The following ATP8A1 variants were observed in gnomAD, a reference collection of about 807,000 sequenced individuals.
ATP8A1 encodes phospholipid-transporting ATPase IA.
ATP8A1 carries 90 observed loss-of-function variants against 177.7 expected under a neutral mutation model. That is an observed-to-expected ratio of 0.51 (90% confidence interval 0.43 to 0.60). ATP8A1 has a LOEUF of 0.60. Ranked by LOEUF, ATP8A1 falls within the 20% of genes least tolerant of loss-of-function variation. The pLI, the probability that ATP8A1 is intolerant of heterozygous loss-of-function variation, is 0.00. For missense variants in ATP8A1, 1,072 were observed against 1,392.8 expected (o/e 0.77, Z 3.67); for synonymous variants, 493 against 485.9 (o/e 1.01, Z -0.19).
Position 42,507,128 on chromosome 4 carries a change from G to A in ATP8A1, c.1974C>T (p.Ala658=). 2 of 1,613,760 alleles carry A rather than the reference G, an allele frequency of 1.2e-6. No individual in the cohort carries two copies. Among genetic ancestry groups the A allele is most frequent in the Non-Finnish European group, 1.7e-6 (2 of 1,179,882 alleles). ...EKNLQLLGAT[A]IEDKLQDQVP... ...CTTGATCTTGTAATTTATCCTCAAT[G>A]GCTGTTGCTCCAAGTAGCTGAAGAT... Residue 658 remains alanine, a synonymous_variant, in exon 23 of 37, where the codon GCC becomes GCT. Transcript: ENST00000381668.
At position 42,524,898 on chromosome 4, in the gene ATP8A1, A is replaced by G. The variant is rs770887498; in HGVS notation, c.1723-51T>C. ...GATTTAATTAAGCATTCTGGGTTTA[A>G]TAAAGTTGATGTTGGTAACAATAGC... On this transcript the variant is annotated intron_variant, in intron 20 of 36. Transcript: ENST00000381668. The G allele has an allele frequency of 2.1e-5, 26 of 1,237,110 alleles. 2 individuals are homozygous for G. In the South Asian group the frequency reaches 3.3e-4, roughly 16 times the overall value. 76.6% of individuals were successfully genotyped at this position (1,237,110 alleles called of 1,614,324 possible). A position where few individuals can be genotyped will look rare whatever the true frequency, so the allele number is the denominator to read the frequency against.
At chr4:42,622,927 T>C (rs1737637497) in intron 4 of ATP8A1, among the ~76,000 whole-genome samples, 1 of 149,446 alleles carries the variant, frequency 6.7e-6, no homozygotes, top group Non-Finnish European at 1.5e-5. Context: ...GAGAATCGCT[T>C]GAACCTGGGA....
intron 9 of ATP8A1, 85 bp from the exon 10 acceptor site, chr4:42,581,817 A>G: frequency 1.1e-6 from 1 of 932,024 alleles, no homozygotes; most frequent in Non-Finnish European, 1.7e-6. Context: ...AAAAGTACCC[A>G]TTATTAAAAT....
intron 22 of ATP8A1, among the ~76,000 whole-genome samples, chr4:42,510,837 A>G (rs1466548045): frequency 6.6e-6 from 1 of 152,232 alleles, no homozygotes; most frequent in Admixed American, 6.5e-5. Context: ...GAAAGCATCT[A>G]GTTTTGCACA....
intron 29 of ATP8A1, among the ~76,000 whole-genome samples, chr4:42,453,846 C>G (rs963606236): frequency 1.3e-5 from 2 of 152,142 alleles, no homozygotes. Context: ...GCTCTCAGAT[C>G]ACTTTTTCAG....
chr4:42,623,988 T>C (rs1159114957), intron 4 of ATP8A1, among the ~76,000 whole-genome samples: 1 of 151,964 alleles, frequency 6.6e-6, no homozygotes, highest in Non-Finnish European at 1.5e-5. Context: ...AAGGCCTGAA[T>C]TTATTTGGTA....
At chr4:42,650,541 CTTAAA>C (rs1462264498) in intron 1 of ATP8A1, among the ~76,000 whole-genome samples, 1 of 152,142 alleles carries the variant, frequency 6.6e-6, no homozygotes, top group East Asian at 1.9e-4. Context: ...TTAAGGACAG[CTTAAA>C]TTACTTTTTA....
In ATP8A1 at chr4:42,412,558, T is replaced by A. The variant is rs950054292; in HGVS notation, c.*358A>T. 1 of 162,810 alleles carries A rather than the reference T, an allele frequency of 6.1e-6. No individual in the cohort carries two copies. Among genetic ancestry groups the A allele is most frequent in the South Asian group, 2.0e-4 (1 of 5,038 alleles). 10.1% of individuals were successfully genotyped at this position (162,810 alleles called of 1,614,324 possible). A position where few individuals can be genotyped will look rare whatever the true frequency, so the allele number is the denominator to read the frequency against. ...TCATTTAGAGTTTTTTAATGGTTGG[T>A]TACCTTGTGGTACAGCCAATAAACT... On this transcript the variant is annotated 3_prime_UTR_variant, in exon 37 of 37. Transcript: ENST00000381668.
In ATP8A1 at chr4:42,414,661, C is replaced by G; in HGVS notation, c.3363G>C (p.Leu1121Phe). Reference protein sequence around the residue: ...KNVFKKNHVNLYRSESLQQNL... With the variant: ...KNVFKKNHVNFYRSESLQQNL... ...TTTGTTGCAAGGATTCAGAGCGGTA[C>G]AAGTTCACGTGGTTCTTCTTAAAGA... Residue 1121 changes from leucine (L) to phenylalanine (F), a missense_variant, in exon 36 of 37, where the codon TTG (leucine) becomes TTC (phenylalanine). By Grantham distance (22) the Leu-to-Phe change is conservative. Coordinates refer to ENST00000381668, the MANE Select transcript of ATP8A1 (RefSeq NM_006095.2). The G allele has an allele frequency of 6.2e-7, 1 of 1,613,888 alleles. No individual in the cohort carries two copies. Among genetic ancestry groups the G allele is most frequent in the Non-Finnish European group, 8.5e-7 (1 of 1,179,822 alleles).
At chr4:42,529,502 G>C (rs1399948402) in intron 20 of ATP8A1, among the ~76,000 whole-genome samples, 1 of 152,200 alleles carries the variant, frequency 6.6e-6, no homozygotes, top group East Asian at 1.9e-4. Context: ...AATTGAAGTG[G>C]TATATACGTG....
At chr4:42,420,002 C>A (rs1349621261) in intron 35 of ATP8A1, among the ~76,000 whole-genome samples, 7 of 140,294 alleles carry the variant, frequency 5.0e-5, no homozygotes, top group Non-Finnish European at 7.7e-5. Context: ...GACTCCGTCT[C>A]AAAAAAAAAC....
At chr4:42,577,436 T>A (rs1732583539) in intron 12 of ATP8A1, among the ~76,000 whole-genome samples, 1 of 152,180 alleles carries the variant, frequency 6.6e-6, no homozygotes, top group Non-Finnish European at 1.5e-5. Context: ...AATGAGCAGT[T>A]ACAAAAGTAT....
intron 33 of ATP8A1, among the ~76,000 whole-genome samples, chr4:42,440,838 T>C (rs943596016): frequency 6.6e-6 from 1 of 152,178 alleles, no homozygotes; most frequent in African/African-American, 2.4e-5. Context: ...GGGCTGCTAT[T>C]CTCTGTCTGC....
chr4:42,417,717 T>C lies in ATP8A1; in HGVS notation c.3306-2999A>G, dbSNP rs553793886. Among the ~76,000 whole-genome samples, 33 of 152,352 alleles carry C rather than the reference T, an allele frequency of 2.2e-4. No individual in the cohort carries two copies. The South Asian group carries it at 2.9e-3, about 13-fold the overall frequency. ...AATTTGCATTTGTCTACATATTGAG[T>C]TGATAAGCTATTTAGGTTGACTCAT... On this transcript the variant is annotated intron_variant, in intron 35 of 36. Transcript: ENST00000381668.
rs1712602214 is a variant in ATP8A1, at chr4:42,411,520, T to C, written c.*1396A>G. The C allele has an allele frequency of 6.6e-6, 1 of 152,176 alleles. No individual in the cohort carries two copies. Among genetic ancestry groups the C allele is most frequent in the Admixed American group, 6.5e-5 (1 of 15,278 alleles). 9.4% of individuals were successfully genotyped at this position (152,176 alleles called of 1,614,324 possible). A position where few individuals can be genotyped will look rare whatever the true frequency, so the allele number is the denominator to read the frequency against. ...CTAATTCCTTTTTTTCAAATGAAAG[T>C]ATTATTTAAAAAATAGTGTAGAAAA... On this transcript the variant is annotated 3_prime_UTR_variant, in exon 37 of 37. Coordinates refer to ENST00000381668, the MANE Select transcript of ATP8A1 (RefSeq NM_006095.2).
Position 42,522,693 on chromosome 4 carries a change from AG to A in ATP8A1, c.1808-395del, listed in dbSNP as rs77278708. Among the ~76,000 whole-genome samples, 3 of 152,176 alleles carry A rather than the reference AG, an allele frequency of 2.0e-5. No individual in the cohort carries two copies. In the East Asian group the frequency reaches 5.8e-4, roughly 29 times the overall value. On this transcript the variant is annotated intron_variant, in intron 21 of 36. Coordinates refer to ENST00000381668, the MANE Select transcript of ATP8A1 (RefSeq NM_006095.2). ...ATTCCCTGCCATTCACTTCCCACATAGGGGGGTCTTTGCACATGCTGGTAAC... is the reference window on the plus strand; with the variant it reads ...ATTCCCTGCCATTCACTTCCCACATAGGGGGTCTTTGCACATGCTGGTAAC...
chr4:42,431,724 C>T (rs958349955), intron 33 of ATP8A1, among the ~76,000 whole-genome samples: 6 of 152,172 alleles, frequency 3.9e-5, no homozygotes, highest in African/African-American at 1.4e-4. Flanking sequence ...TAGCATAACT[C>T]TTCAGAGATG....
chr4:42,613,168 C>T lies in ATP8A1; in HGVS notation c.409+2865G>A, dbSNP rs551662848. ...ATCTGACAGCAAACAGTATCCTACTCGAACATTTTTGTTATCTCCTATCAA... is the reference window on the plus strand; with the variant it reads ...ATCTGACAGCAAACAGTATCCTACTTGAACATTTTTGTTATCTCCTATCAA... On this transcript the variant is annotated intron_variant, in intron 5 of 36. Coordinates refer to ENST00000381668, the MANE Select transcript of ATP8A1 (RefSeq NM_006095.2). 5.3e-5 allele frequency among the ~76,000 whole-genome samples: 8 copies of T among 152,270 alleles called. No homozygotes were observed. In the East Asian group the frequency reaches 9.7e-4, roughly 18 times the overall value.
At chr4:42,485,377 C>T (rs558708758) in intron 25 of ATP8A1, 119 bp downstream of exon 25, 73 of 861,084 alleles carry the variant, frequency 8.5e-5, no homozygotes, top group Middle Eastern at 3.4e-4. Context: ...CTTGAGTGAA[C>T]ACATTAGTAA....
Sources: allele counts gnomAD v4.1 joint callset (sites outside exome capture counted in the v4.1 genomes callset), GRCh38; gene constraint gnomAD v4.1.1; transcripts MANE v1.5; gene names NCBI Gene and HGNC (gene_info 2026-07-23, HGNC 2026-07-21).